CD40: variants seen among roughly 807,000 people sequenced by gnomAD.
The protein encoded by CD40 is CD40 molecule.
A neutral mutation model predicts 38.5 loss-of-function variants in CD40; 19 were observed. The ratio of observed to expected loss-of-function variants is 0.49; its 90% CI spans 0.34 to 0.72. The LOEUF is 0.72. Ranked by LOEUF, CD40 falls within the 30% of genes least tolerant of loss-of-function variation. The probability of loss-of-function intolerance (pLI) is 0.01; values close to 1 mark genes in which losing one functional copy is unlikely to be tolerated. For synonymous variants in CD40, 130 were observed against 128.7 expected (o/e 1.01, Z -0.07); for missense variants, 256 against 344.1 (o/e 0.74, Z 2.03).
At chr20:46,125,085 A>G (rs1018523105) in intron 5 of CD40, among the ~76,000 whole-genome samples, 6 of 151,736 alleles carry the variant, frequency 4.0e-5, no homozygotes, top group African/African-American at 1.5e-4. Context: ...TATAGTATTA[A>G]TGGAATCAGT....
rs1883832 is a variant in CD40, at chr20:46,118,343, T to C, written c.-1T>C. On this transcript the variant is annotated 5_prime_UTR_variant, in exon 1 of 9. Transcript: ENST00000372285. The stretch of plus-strand genomic sequence containing the variant: ...GTCCTGCCGCCTGGTCTCACCTCGC[T>C]ATGGTTCGTCTGCCTCTGCAGTGCG... The C allele has an allele frequency of 0.75, 1,216,361 of 1,613,190 alleles. 461,294 individuals are homozygous for C. The highest frequency in any genetic ancestry group is 0.94 in the African/African-American group (70,765 of 75,038).
intron 6 of CD40, among the ~76,000 whole-genome samples, chr20:46,127,447 A>G (rs1488625334): frequency 6.6e-6 from 1 of 152,220 alleles, no homozygotes; most frequent in Non-Finnish European, 1.5e-5. Context: ...CCCTGGTTCC[A>G]GTAAAAGGAA....
intron 2 of CD40, 36 bp downstream of exon 2, chr20:46,121,934 C>T (rs1408934518): frequency 6.4e-7 from 1 of 1,555,422 alleles, no homozygotes; most frequent in Non-Finnish European, 8.9e-7. Context: ...TCATGGAGTC[C>T]CCCTTTGCTT....
Position 46,129,247 on chromosome 20 carries a change from C to T in CD40, c.*207C>T. ...ACCTTGAAGAACCTCTCACTTCACCCTGGAGCCCATCCAGTCTCCCAACTT... is the reference window on the plus strand; with the variant it reads ...ACCTTGAAGAACCTCTCACTTCACCTTGGAGCCCATCCAGTCTCCCAACTT... On this transcript the variant is annotated 3_prime_UTR_variant, in exon 9 of 9. Transcript: ENST00000372285. The T allele has an allele frequency of 1.6e-6, 1 of 611,476 alleles. No individual in the cohort carries two copies. The highest frequency in any genetic ancestry group is 2.9e-5 in the East Asian group (1 of 34,328). The allele number at this position is 611,476 out of a possible 1,614,324, so 37.9% of individuals were successfully genotyped here. A position where few individuals can be genotyped will look rare whatever the true frequency, so the allele number is the denominator to read the frequency against.
intron 6 of CD40, among the ~76,000 whole-genome samples, chr20:46,127,536 G>A (rs1417786913): frequency 6.6e-6 from 1 of 152,130 alleles, no homozygotes; most frequent in East Asian, 1.9e-4. Context: ...TTAAAAGAAT[G>A]TTTACCTTGA....
At chr20:46,128,675 C>A in intron 8 of CD40, 1 of 668,080 alleles carries the variant, frequency 1.5e-6, no homozygotes, top group East Asian at 2.7e-5. Flanking sequence ...GTGGCAGCCC[C>A]TTAAGCCCAC....
Position 46,122,396 on chromosome 20 carries a change from G to C in CD40, c.256+38G>C, listed in dbSNP as rs2085336793. Reference sequence around the variant, plus strand: ...TTGGGAAAGGGACGCTTGGGAACCGGGCTGATATTCCCGACAATGCAGCCA... The same window carrying C: ...TTGGGAAAGGGACGCTTGGGAACCGCGCTGATATTCCCGACAATGCAGCCA... On this transcript the variant is annotated intron_variant, in intron 3 of 8. Transcript: ENST00000372285. This position sits in a 1 kb window ranked among gnomAD's most constrained non-coding sequence, Gnocchi z 5.0. 7 of 1,613,800 alleles carry C rather than the reference G, an allele frequency of 4.3e-6. No homozygotes were observed. Among genetic ancestry groups the C allele is most frequent in the Non-Finnish European group, 5.9e-6 (7 of 1,179,978 alleles).
At chr20:46,120,418 A>C (rs562414628) in intron 1 of CD40, among the ~76,000 whole-genome samples, 2 of 152,246 alleles carry the variant, frequency 1.3e-5, no homozygotes, top group Non-Finnish European at 2.9e-5. Context: ...CTGACTCTCA[A>C]ACTTGTGTTC....
At chr20:46,118,589 G>A (rs376831729) in intron 1 of CD40, among the ~76,000 whole-genome samples, 195 bp downstream of exon 1, 6 of 152,274 alleles carry the variant, frequency 3.9e-5, no homozygotes, top group African/African-American at 1.2e-4. Flanking sequence ...CTGGGGTCCC[G>A]GGAGCGGCCT....
intron 1 of CD40, among the ~76,000 whole-genome samples, chr20:46,120,527 T>C (rs2145586190): frequency 6.6e-6 from 1 of 152,236 alleles, no homozygotes; most frequent in East Asian, 1.9e-4. Context: ...AAAATCCTTC[T>C]CATTTTTTCA....
intron 1 of CD40, among the ~76,000 whole-genome samples, chr20:46,120,179 A>G (rs1209859272): frequency 6.6e-6 from 1 of 152,164 alleles, no homozygotes; most frequent in Admixed American, 6.5e-5. Flanking sequence ...TGCTTGCCAT[A>G]TATCATGCAA....
chr20:46,123,746 T>TG (rs144621914), intron 5 of CD40, among the ~76,000 whole-genome samples: 17,319 of 152,210 alleles, frequency 0.11, 1,129 homozygotes, highest in Non-Finnish European at 0.16. Context: ...TCCCTGCCTC[T>TG]GTCTCTCCCC....
At position 46,129,273 on chromosome 20, in the gene CD40, G is replaced by A. The variant is rs1397324457; in HGVS notation, c.*233G>A. ...TGGAGCCCATCCAGTCTCCCAACTT[G>A]TATTAAAGACAGAGGCAGAAGTTTG... On this transcript the variant is annotated 3_prime_UTR_variant, in exon 9 of 9. Coordinates refer to ENST00000372285, the MANE Select transcript of CD40 (RefSeq NM_001250.6). 2 of 561,624 alleles carry A rather than the reference G, an allele frequency of 3.6e-6. No individual in the cohort carries two copies. The highest frequency in any genetic ancestry group is 2.7e-5 in the Admixed American group (1 of 36,562). 34.8% of individuals were successfully genotyped at this position (561,624 alleles called of 1,614,324 possible). A position where few individuals can be genotyped will look rare whatever the true frequency, so the allele number is the denominator to read the frequency against.
At chr20:46,128,508 A>G (rs567876375) in intron 8 of CD40, 150 bp downstream of exon 8, 4 of 846,588 alleles carry the variant, frequency 4.7e-6, no homozygotes, top group African/African-American at 1.7e-5. Flanking sequence ...CCCACCCACC[A>G]TGCTCCTTCC....
intron 7 of CD40, 39 bp downstream of exon 7, chr20:46,128,263 G>A (rs780836857): frequency 6.2e-7 from 1 of 1,611,808 alleles, no homozygotes; most frequent in South Asian, 1.1e-5. Context: ...GGAGGGAGGG[G>A]AGACCACCTG....
chr20:46,125,623 A>G (rs2085420364), intron 5 of CD40, among the ~76,000 whole-genome samples: 1 of 148,714 alleles, frequency 6.7e-6, no homozygotes, highest in African/African-American at 2.5e-5. Context: ...CCCACCTTAG[A>G]TGATTTTTCC....
Position 46,122,144 on chromosome 20 carries a change from T to A in CD40, c.131-89T>A. On this transcript the variant is annotated intron_variant, in intron 2 of 8. Transcript: ENST00000372285. The surrounding 1 kb of genome is among the most constrained non-coding windows in gnomAD (Gnocchi z 5.0). ...CCAAGACTTTCATCTTTGAATCCCC[T>A]ACCCTAAAGCCTGGCCTGATCATTG... 2.0e-6 allele frequency: 3 copies of A among 1,511,944 alleles called. No homozygotes were observed. Among genetic ancestry groups the A allele is most frequent in the Non-Finnish European group, 2.8e-6 (3 of 1,087,760 alleles). The allele number at this position is 1,511,944 out of a possible 1,614,324, so 93.7% of individuals were successfully genotyped here.
Position 46,122,865 on chromosome 20 carries a change from G to A in CD40, c.403+109G>A. The stretch of plus-strand genomic sequence containing the variant: ...AGCCCCAGAGGCAGAGGAAGCAGAG[G>A]CTCCAACCTATGTCGGTATCCCCAC... On this transcript the variant is annotated intron_variant, in intron 4 of 8. Transcript: ENST00000372285. The surrounding 1 kb of genome is among the most constrained non-coding windows in gnomAD (Gnocchi z 5.0). 2.8e-6 allele frequency: 4 copies of A among 1,408,104 alleles called. No individual in the cohort carries two copies. Among genetic ancestry groups the A allele is most frequent in the Non-Finnish European group, 3.9e-6 (4 of 1,019,610 alleles). The allele number at this position is 1,408,104 out of a possible 1,614,324, so 87.2% of individuals were successfully genotyped here. A position where few individuals can be genotyped will look rare whatever the true frequency, so the allele number is the denominator to read the frequency against.
chr20:46,119,372 A>C (rs1253231240), intron 1 of CD40, among the ~76,000 whole-genome samples: 1 of 152,146 alleles, frequency 6.6e-6, no homozygotes. Context: ...GCAAGGGAAG[A>C]GAGGGAGTGG....
Sources: gnomAD v4.1 joint callset for allele counts (sites outside exome capture counted in the v4.1 genomes callset) on GRCh38, gnomAD v4.1.1 for gene constraint, Gnocchi (gnomAD v3.1) non-coding constraint, MANE v1.5 for transcripts, NCBI Gene and HGNC (gene_info 2026-07-23, HGNC 2026-07-21) for gene names.